CFAP54: variants seen among roughly 807,000 people sequenced by gnomAD.
The protein encoded by CFAP54 is cilia and flagella associated protein 54.
CFAP54 carries 290 observed loss-of-function variants against 370.4 expected under a neutral mutation model. That is an observed-to-expected ratio of 0.78 (90% CI 0.71 to 0.86). The LOEUF is 0.86. Ranked by LOEUF, CFAP54 falls within the 40% of genes least tolerant of loss-of-function variation. The probability of loss-of-function intolerance (pLI) is 0.00; values close to 1 mark genes in which losing one functional copy is unlikely to be tolerated. For missense variants in CFAP54, 3,399 were observed against 3,528.7 expected (o/e 0.96, Z 0.93); for synonymous variants, 1,206 against 1,236.5 (o/e 0.98, Z 0.52).
At chr12:96,673,217 A>G (rs1373978605) in intron 39 of CFAP54, among the ~76,000 whole-genome samples, 1 of 152,234 alleles carries the variant, frequency 6.6e-6, no homozygotes, top group Non-Finnish European at 1.5e-5. Context: ...TATATTGCAC[A>G]TGAGAAAATT....
At chr12:96,622,802 T>C (rs901057019) in intron 27 of CFAP54, among the ~76,000 whole-genome samples, 55 of 152,326 alleles carry the variant, frequency 3.6e-4, no homozygotes, top group African/African-American at 1.3e-3. Flanking sequence ...AGCATTTGTT[T>C]GCCAAAAAAA....
At chr12:96,780,984 G>A (rs1412364789) in intron 60 of CFAP54, among the ~76,000 whole-genome samples, 1 of 152,098 alleles carries the variant, frequency 6.6e-6, no homozygotes, top group African/African-American at 2.4e-5. Flanking sequence ...TTAAAACAAA[G>A]TTTTTTGAGA....
chr12:96,649,869 A>T (rs754444048), intron 34 of CFAP54, 22 bp from the exon 35 acceptor site: 1 of 1,502,176 alleles, frequency 6.7e-7, no homozygotes, highest in East Asian at 2.3e-5. Context: ...TAATCATGTC[A>T]TATCTTATTT....
At chr12:96,703,185 A>G (rs1412278331) in intron 46 of CFAP54, among the ~76,000 whole-genome samples, 2 of 152,192 alleles carry the variant, frequency 1.3e-5, no homozygotes, top group Non-Finnish European at 2.9e-5. Context: ...TTTGGGAACA[A>G]TAGTGTCCTT....
intron 65 of CFAP54, among the ~76,000 whole-genome samples, chr12:96,824,897 C>A (rs558645319): frequency 2.0e-5 from 3 of 152,112 alleles, no homozygotes; most frequent in East Asian, 3.9e-4. Context: ...TTTTACATGA[C>A]CTGTTAAAAA....
At chr12:96,518,841 C>T (rs1592827533) in intron 5 of CFAP54, 87 bp from the exon 6 acceptor site, 35 of 1,232,814 alleles carry the variant, frequency 2.8e-5, no homozygotes, top group Non-Finnish European at 3.7e-5. Flanking sequence ...AACTTGTGCT[C>T]ACAACTTAGA....
chr12:96,683,759 A>G lies in CFAP54; in HGVS notation c.5717-889A>G, dbSNP rs146244567. Reference sequence around the variant, plus strand: ...TTTTTGGCTACACATCCCAGAATGCATGCATTCATTAGAAAAAAAAAATTG... The same window carrying G: ...TTTTTGGCTACACATCCCAGAATGCGTGCATTCATTAGAAAAAAAAAATTG... On this transcript the variant is annotated intron_variant, in intron 40 of 67. Transcript: ENST00000524981. 4.1e-3 allele frequency among the ~76,000 whole-genome samples: 625 copies of G among 151,902 alleles called. 3 individuals carry two copies. The highest frequency in any genetic ancestry group is 6.9e-3 in the Non-Finnish European group (471 of 67,990).
chr12:96,789,878 A>G (rs950286498), intron 62 of CFAP54, among the ~76,000 whole-genome samples: 1 of 152,166 alleles, frequency 6.6e-6, no homozygotes, highest in Admixed American at 6.5e-5. Flanking sequence ...TAATGAGCAT[A>G]AAGCCTTTCG....
chr12:96,759,426 A>T (rs1334120880), intron 58 of CFAP54, among the ~76,000 whole-genome samples: 1 of 152,202 alleles, frequency 6.6e-6, no homozygotes, highest in Non-Finnish European at 1.5e-5. Flanking sequence ...TAGAATCTGA[A>T]TGAAAACAGT....
intron 66 of CFAP54, among the ~76,000 whole-genome samples, chr12:96,848,187 C>A (rs1040591719): frequency 6.6e-6 from 1 of 152,068 alleles, no homozygotes; most frequent in African/African-American, 2.4e-5. Flanking sequence ...AGTGATTCTC[C>A]TGCCTTAGCC....
chr12:96,535,619 A>G lies in CFAP54; in HGVS notation c.1791+19A>G. The G allele has an allele frequency of 2.0e-6, 3 of 1,499,274 alleles. No individual in the cohort carries two copies. The highest frequency in any genetic ancestry group is 1.8e-6 in the Non-Finnish European group (2 of 1,116,706). The allele number at this position is 1,499,274 out of a possible 1,614,324, so 92.9% of individuals were successfully genotyped here. A position where few individuals can be genotyped will look rare whatever the true frequency, so the allele number is the denominator to read the frequency against. On this transcript the variant is annotated intron_variant, in intron 12 of 67. Transcript: ENST00000524981. ...TCCCCAGGTGAAATAGCTATTTTAA[A>G]TAATTTTTATTAGTGTGGAAGGAGG... is the stretch of plus-strand genomic sequence containing the variant.
At chr12:96,631,721 TATA>T (rs1213035642) in intron 32 of CFAP54, among the ~76,000 whole-genome samples, 3 of 149,044 alleles carry the variant, frequency 2.0e-5, no homozygotes, top group Non-Finnish European at 3.0e-5. Context: ...GCATATATCA[TATA>T]ATATATATTA....
intron 48 of CFAP54, among the ~76,000 whole-genome samples, chr12:96,715,980 GA>G (rs1187695891): frequency 1.3e-5 from 2 of 151,992 alleles, no homozygotes; most frequent in Non-Finnish European, 2.9e-5. Flanking sequence ...TAAAGACTTT[GA>G]AAAACTTTCA....
chr12:96,664,558 T>G (rs1957035661), intron 39 of CFAP54, among the ~76,000 whole-genome samples: 1 of 151,314 alleles, frequency 6.6e-6, no homozygotes, highest in Admixed American at 6.6e-5. Context: ...TTCATTCCAC[T>G]TCTTTGCTAA....
At chr12:96,639,945 A>G (rs932654054) in intron 32 of CFAP54, among the ~76,000 whole-genome samples, 44 of 152,284 alleles carry the variant, frequency 2.9e-4, no homozygotes, top group African/African-American at 9.4e-4. Context: ...AATAAGAGCT[A>G]TCTATGACAA....
chr12:96,532,349 G>T (rs991508943), intron 9 of CFAP54, among the ~76,000 whole-genome samples: 4 of 152,200 alleles, frequency 2.6e-5, no homozygotes, highest in African/African-American at 7.2e-5. Flanking sequence ...TGAGTTTAGT[G>T]TGTGGGTGTG....
chr12:96,684,707 A>G lies in CFAP54; in HGVS notation c.5776A>G (p.Ser1926Gly), dbSNP rs750250236. The G allele has an allele frequency of 6.8e-6, 11 of 1,613,062 alleles. No individual in the cohort carries two copies. In the African/African-American group the frequency reaches 1.2e-4, roughly 18 times the overall value. ...LKVQALHSLG[S>G]LLIFAEKKRA... is the part of the protein sequence containing the mutation. ...AGTTCAGGCGTTGCATTCACTTGGAAGTCTTCTCATCTTCGCAGAAAAGAA... is the reference window on the plus strand; with the variant it reads ...AGTTCAGGCGTTGCATTCACTTGGAGGTCTTCTCATCTTCGCAGAAAAGAA... The change falls in exon 41 of 68, where the codon AGT becomes GGT. Residue 1926 changes from serine (S) to glycine (G), a missense_variant. Physicochemically the swap from Ser to Gly is moderately conservative, Grantham distance 56. This residue lies in a region of CFAP54 where 2,796 missense variants were observed against 2,869.7 expected (regional missense o/e 0.97). Transcript: ENST00000524981.
rs551866409 is a variant in CFAP54 at position 96,585,654 on chromosome 12, G to C, written c.3076-3773G>C. Among the ~76,000 whole-genome samples, 4 of 152,158 alleles carry C rather than the reference G, an allele frequency of 2.6e-5. No individual in the cohort carries two copies. In the South Asian group the frequency reaches 8.3e-4, roughly 32 times the overall value. On this transcript the variant is annotated intron_variant, in intron 22 of 67. Coordinates refer to ENST00000524981, the MANE Select transcript of CFAP54 (RefSeq NM_001306084.2). ...GTTTTTAAACCTCACCCTTCTTTTTGCCTTTGGCCCCACATCTGGGCAGGA... is the reference window on the plus strand; with the variant it reads ...GTTTTTAAACCTCACCCTTCTTTTTCCCTTTGGCCCCACATCTGGGCAGGA...
At chr12:96,622,339 CCTCTCT>C (rs371334823) in intron 27 of CFAP54, among the ~76,000 whole-genome samples, 1 of 137,330 alleles carries the variant, frequency 7.3e-6, no homozygotes, top group Non-Finnish European at 1.6e-5. Flanking sequence ...GCCCTCCCTC[CCTCTCT>C]CTCTCTCTCT....
Sources: allele counts gnomAD v4.1 joint callset (sites outside exome capture counted in the v4.1 genomes callset), GRCh38; gene constraint gnomAD v4.1.1; regional missense constraint gnomAD v4.1.1; transcripts MANE v1.5; gene names NCBI Gene and HGNC (gene_info 2026-07-23, HGNC 2026-07-21).